CDH20: variants seen among roughly 807,000 people sequenced by gnomAD.
CDH20 encodes cadherin 20, also known as cadherin-20.
CDH20 carries 29 observed loss-of-function variants against 74.2 expected under a neutral mutation model. The ratio of observed to expected loss-of-function variants is 0.39; its 90% CI spans 0.29 to 0.53. CDH20 has a LOEUF of 0.53. Among genes scored for constraint, CDH20 ranks in the 20% least tolerant of loss-of-function variants. The pLI is 0.69. For synonymous variants in CDH20, 469 were observed against 405.4 expected (o/e 1.16, Z -1.88); for missense variants, 988 against 1,048.3 (o/e 0.94, Z 0.79).
At chr18:61,464,132 G>A (rs1909878707) in intron 1 of CDH20, among the ~76,000 whole-genome samples, 1 of 152,120 alleles carries the variant, frequency 6.6e-6, no homozygotes, top group Admixed American at 6.5e-5. Context: ...AGTAAGAAGT[G>A]TGTGCATAAT....
chr18:61,477,665 T>G (rs1222975842), intron 1 of CDH20, among the ~76,000 whole-genome samples: 1 of 152,082 alleles, frequency 6.6e-6, no homozygotes, highest in African/African-American at 2.4e-5. Flanking sequence ...ATAATGCTAA[T>G]AAAAATTAAA....
intron 1 of CDH20, among the ~76,000 whole-genome samples, 190 bp downstream of exon 1, chr18:61,334,017 G>A (rs1223875478): frequency 6.6e-6 from 1 of 152,176 alleles, no homozygotes; most frequent in African/African-American, 2.4e-5. Context: ...GGACTTAGTG[G>A]GAGAAGGGGT....
chr18:61,419,332 G>A (rs1912799653), intron 1 of CDH20, among the ~76,000 whole-genome samples: 1 of 152,156 alleles, frequency 6.6e-6, no homozygotes, highest in Non-Finnish European at 1.5e-5. Context: ...CTCTCAAAGT[G>A]CTAGGATTAC....
intron 9 of CDH20, among the ~76,000 whole-genome samples, chr18:61,541,231 AG>A (rs1246005967): frequency 6.6e-6 from 1 of 151,986 alleles, no homozygotes; most frequent in African/African-American, 2.4e-5. Context: ...AAGGTAGTTG[AG>A]TTTAAGTGAG....
At chr18:61,482,671 T>A (rs1189141973) in intron 1 of CDH20, among the ~76,000 whole-genome samples, 1 of 152,156 alleles carries the variant, frequency 6.6e-6, no homozygotes, top group Admixed American at 6.6e-5. Flanking sequence ...ATATATATAT[T>A]TTAAATAGAG....
At chr18:61,418,922 T>C (rs113795816) in intron 1 of CDH20, among the ~76,000 whole-genome samples, 2 of 152,328 alleles carry the variant, frequency 1.3e-5, no homozygotes, top group African/African-American at 4.8e-5. Context: ...ATAATACATA[T>C]ATATTATCTG....
intron 1 of CDH20, among the ~76,000 whole-genome samples, chr18:61,477,090 A>T (rs1433118392): frequency 6.6e-6 from 1 of 152,172 alleles, no homozygotes; most frequent in Non-Finnish European, 1.5e-5. Flanking sequence ...AGCCTCGGAA[A>T]ATGAGGACAT....
chr18:61,409,836 C>T (rs148538474), intron 1 of CDH20, among the ~76,000 whole-genome samples: 14 of 152,238 alleles, frequency 9.2e-5, no homozygotes, highest in African/African-American at 3.4e-4. Flanking sequence ...CAGCCAATCA[C>T]AGTCAGCCAG....
chr18:61,345,733 A>C (rs891117752), intron 1 of CDH20, among the ~76,000 whole-genome samples: 2 of 152,214 alleles, frequency 1.3e-5, no homozygotes, highest in Admixed American at 1.3e-4. Flanking sequence ...AAGAACCCAG[A>C]TGTCTTAATG....
chr18:61,416,570 C>G (rs1912691133), intron 1 of CDH20, among the ~76,000 whole-genome samples: 1 of 152,208 alleles, frequency 6.6e-6, no homozygotes, highest in South Asian at 2.1e-4. Flanking sequence ...CTCCAGCCAT[C>G]TCATCTATAT....
At chr18:61,480,869 A>G (rs906232521) in intron 1 of CDH20, among the ~76,000 whole-genome samples, 9 of 152,228 alleles carry the variant, frequency 5.9e-5, no homozygotes, top group Non-Finnish European at 1.3e-4. Flanking sequence ...GAACAAAAAA[A>G]GCATTTGTGA....
rs1214864934 is a variant in CDH20 at position 61,500,433 on chromosome 18, G to A, written c.592G>A (p.Gly198Ser). The change falls in exon 4 of 12, where the codon GGC (glycine) becomes AGC (serine). Residue 198 changes from glycine to serine, a missense_variant. By Grantham distance (56) the Gly-to-Ser change is moderately conservative. This residue lies in a region of CDH20 where 613 missense variants were observed against 755.2 expected (regional missense o/e 0.81). Transcript: ENST00000262717. ...TATDADDPTY[G>S]NSARVVYSIL... The stretch of plus-strand genomic sequence containing the variant: ...CACAGATGCAGATGACCCGACCTAC[G>A]GCAACAGTGCCAGGGTGGTGTACAG... 1.2e-6 allele frequency: 2 copies of A among 1,613,032 alleles called. No individual in the cohort carries two copies. The highest frequency in any genetic ancestry group is 1.7e-6 in the Non-Finnish European group (2 of 1,179,294).
At chr18:61,544,342 G>A (rs1316694172) in intron 9 of CDH20, among the ~76,000 whole-genome samples, 1 of 152,226 alleles carries the variant, frequency 6.6e-6, no homozygotes, top group Non-Finnish European at 1.5e-5. Flanking sequence ...TACGCCTTCT[G>A]CAGACGGCTT....
chr18:61,515,472 A>C (rs1456922660), intron 6 of CDH20, among the ~76,000 whole-genome samples: 2 of 152,006 alleles, frequency 1.3e-5, no homozygotes, highest in Non-Finnish European at 2.9e-5. Flanking sequence ...TGCGTTGCTC[A>C]CGCTGGGAGC....
At chr18:61,523,963 T>A (rs1265584448) in intron 6 of CDH20, among the ~76,000 whole-genome samples, 1 of 151,998 alleles carries the variant, frequency 6.6e-6, no homozygotes, top group Non-Finnish European at 1.5e-5. Context: ...CTAATGTAGA[T>A]GACGAGTTGA....
intron 7 of CDH20, among the ~76,000 whole-genome samples, chr18:61,533,129 C>T (rs986371751): frequency 1.3e-5 from 2 of 151,940 alleles, no homozygotes; most frequent in African/African-American, 4.8e-5. Flanking sequence ...AAGACTTTGT[C>T]TTTTAAAATA....
chr18:61,511,949 T>C (rs972308999), intron 6 of CDH20, among the ~76,000 whole-genome samples: 19 of 152,200 alleles, frequency 1.2e-4, no homozygotes, highest in African/African-American at 4.6e-4. Flanking sequence ...TAATAAATAT[T>C]TTAGAGGCCA....
rs1188612619 is a variant in CDH20, at chr18:61,536,582, G to A, written c.1361G>A (p.Arg454Gln). The change falls in exon 8 of 12, where the codon CGG (arginine) becomes CAG (glutamine). Residue 454 changes from arginine (R) to glutamine (Q), a missense_variant. This residue lies in a region of CDH20 where 613 missense variants were observed against 755.2 expected (regional missense o/e 0.81). Transcript: ENST00000262717. Reference sequence around the variant, plus strand: ...CTAATGACAGCAAGACCCCTAGACCGGGAAGAATTTTCTTGGCATAATATC... The same window carrying A: ...CTAATGACAGCAAGACCCCTAGACCAGGAAGAATTTTCTTGGCATAATATC... ...GALMTARPLD[R>Q]EEFSWHNITV... 4 of 1,613,704 alleles carry A rather than the reference G, an allele frequency of 2.5e-6. No homozygotes were observed. The highest frequency in any genetic ancestry group is 3.4e-6 in the Non-Finnish European group (4 of 1,179,790).
chr18:61,454,064 T>A (rs1909489858), intron 1 of CDH20, among the ~76,000 whole-genome samples: 1 of 152,168 alleles, frequency 6.6e-6, no homozygotes, highest in Non-Finnish European at 1.5e-5. Context: ...CTAATGATGT[T>A]TAACATCTTT....
Sources: gnomAD v4.1 joint callset for allele counts (sites outside exome capture counted in the v4.1 genomes callset) on GRCh38, gnomAD v4.1.1 for gene constraint, gnomAD v4.1.1 regional missense constraint, MANE v1.5 for transcripts, NCBI Gene and HGNC (gene_info 2026-07-23, HGNC 2026-07-21) for gene names.